The following CACNA2D2 variants were observed in gnomAD, a reference collection of about 807,000 sequenced individuals.
CACNA2D2 encodes calcium voltage-gated channel auxiliary subunit alpha2delta 2, also known as voltage-dependent calcium channel subunit alpha-2/delta-2.
A neutral mutation model predicts 166.4 loss-of-function variants in CACNA2D2; 48 were observed. The observed-to-expected ratio is 0.29, with a 90% CI of 0.23 to 0.37. The LOEUF is 0.37. Among genes scored for constraint, CACNA2D2 ranks in the 10% least tolerant of loss-of-function variants. The pLI is 1.00. For missense variants in CACNA2D2, 1,122 were observed against 1,433.0 expected (o/e 0.78, Z 3.50); for synonymous variants, 561 against 573.7 (o/e 0.98, Z 0.32).
intron 5 of CACNA2D2, among the ~76,000 whole-genome samples, chr3:50,386,483 A>G (rs1417102370): frequency 1.3e-5 from 2 of 152,222 alleles, no homozygotes; most frequent in African/African-American, 2.4e-5. Context: ...CTTCATTTGA[A>G]TTTCAGATTC....
chr3:50,449,358 C>T (rs1334825746), intron 2 of CACNA2D2, among the ~76,000 whole-genome samples: 3 of 152,190 alleles, frequency 2.0e-5, no homozygotes, highest in African/African-American at 4.8e-5. Context: ...AGCTAATGGG[C>T]TGACAAATTA....
At chr3:50,496,262 C>T (rs768041405) in intron 1 of CACNA2D2, among the ~76,000 whole-genome samples, 5 of 152,230 alleles carry the variant, frequency 3.3e-5, no homozygotes, top group South Asian at 2.1e-4. Context: ...CATACACGCA[C>T]ACACCTACTG....
rs1237143723 is a variant in CACNA2D2, at chr3:50,362,831, C to T, written c.*1835G>A. 3.5e-6 allele frequency: 1 copy of T among 287,424 alleles called. No individual in the cohort carries two copies. The allele number at this position is 287,424 out of a possible 1,614,324, so 17.8% of individuals were successfully genotyped here. On this transcript the variant is annotated 3_prime_UTR_variant, in exon 38 of 38. Coordinates refer to ENST00000424201, the MANE Select transcript of CACNA2D2 (RefSeq NM_006030.4). ...TGAAAATATGAACATTATTTAATAACTGATCTTCTGTAATAAACCATTTGA... is the reference window on the plus strand; with the variant it reads ...TGAAAATATGAACATTATTTAATAATTGATCTTCTGTAATAAACCATTTGA...
intron 1 of CACNA2D2, among the ~76,000 whole-genome samples, chr3:50,502,100 C>G (rs1303984045): frequency 6.6e-6 from 1 of 152,120 alleles, no homozygotes; most frequent in Non-Finnish European, 1.5e-5. Flanking sequence ...TGTGGCAGAA[C>G]CAGGGGCTCT....
chr3:50,492,517 G>A (rs1560004085), intron 1 of CACNA2D2, among the ~76,000 whole-genome samples: 1 of 152,204 alleles, frequency 6.6e-6, no homozygotes, highest in Non-Finnish European at 1.5e-5. Context: ...TCCCTCTCCA[G>A]GCCTCGGTTT....
chr3:50,379,741 T>TGAA lies in CACNA2D2; in HGVS notation c.976_977insTTC (p.Tyr326delinsPheHis), dbSNP rs1705203713. 1 of 1,613,768 alleles carries TGAA rather than the reference T, an allele frequency of 6.2e-7. No individual in the cohort carries two copies. Among genetic ancestry groups the TGAA allele is most frequent in the Non-Finnish European group, 8.5e-7 (1 of 1,180,016 alleles). On this transcript the variant is annotated protein_altering_variant, in exon 10 of 38. Transcript: ENST00000424201. The surrounding 1 kb of genome is among the most constrained non-coding windows in gnomAD (Gnocchi z 6.5). ...GGCACTCACCGAGGCCACATTCACA[T>TGAA]AGTCATCATCAGACAGCGTGTCCAG...
intron 3 of CACNA2D2, among the ~76,000 whole-genome samples, chr3:50,403,163 G>C (rs900059481): frequency 6.6e-6 from 1 of 152,188 alleles, no homozygotes; most frequent in African/African-American, 2.4e-5. Flanking sequence ...ATAACAGGGA[G>C]GGACCAAAAC....
At chr3:50,501,006 C>A (rs1698940783) in intron 1 of CACNA2D2, among the ~76,000 whole-genome samples, 1 of 152,142 alleles carries the variant, frequency 6.6e-6, no homozygotes, top group Non-Finnish European at 1.5e-5. Flanking sequence ...CAGGGGCCTT[C>A]CCCACTGAGG....
Position 50,366,434 on chromosome 3 carries a change from T to C in CACNA2D2, c.2638-96A>G. 6.9e-7 allele frequency: 1 copy of C among 1,456,234 alleles called. No homozygotes were observed. Among genetic ancestry groups the C allele is most frequent in the Non-Finnish European group, 9.6e-7 (1 of 1,037,280 alleles). 90.2% of individuals were successfully genotyped at this position (1,456,234 alleles called of 1,614,324 possible). A position where few individuals can be genotyped will look rare whatever the true frequency, so the allele number is the denominator to read the frequency against. ...GTGGTTCAGAGTTGGGGGGCATCACTCCCCCAGTCCTGGGAAGGCTGTGAA... is the reference window on the plus strand; with the variant it reads ...GTGGTTCAGAGTTGGGGGGCATCACCCCCCCAGTCCTGGGAAGGCTGTGAA... On this transcript the variant is annotated intron_variant, in intron 30 of 37. Transcript: ENST00000424201. The surrounding 1 kb of genome is among the most constrained non-coding windows in gnomAD (Gnocchi z 5.9).
At chr3:50,477,798 G>C (rs1697859588) in intron 1 of CACNA2D2, among the ~76,000 whole-genome samples, 2 of 152,152 alleles carry the variant, frequency 1.3e-5, no homozygotes, top group Admixed American at 6.5e-5. Context: ...ACAGGAGATT[G>C]CATCTGGTCC....
chr3:50,379,829 AG>A lies in CACNA2D2; in HGVS notation c.894-6del. 1.2e-6 allele frequency: 2 copies of A among 1,613,862 alleles called. No individual in the cohort carries two copies. Among genetic ancestry groups the A allele is most frequent in the South Asian group, 1.1e-5 (1 of 91,076 alleles). On this transcript the variant is annotated splice_polypyrimidine_tract_variant and splice_region_variant and intron_variant, in intron 9 of 37. Transcript: ENST00000424201. The surrounding 1 kb of genome is among the most constrained non-coding windows in gnomAD (Gnocchi z 6.5). ...AGGCCGCTCACACTGCCACTCCTGG[AG>A]AGGTCAGGCAGGGGACGTGGAGGAG...
At chr3:50,481,864 C>T (rs769276984) in intron 1 of CACNA2D2, among the ~76,000 whole-genome samples, 6 of 152,082 alleles carry the variant, frequency 3.9e-5, no homozygotes, top group Non-Finnish European at 7.4e-5. Flanking sequence ...GGTGTGGTAT[C>T]GTACACCTGT....
At chr3:50,395,213 T>A (rs992941895) in intron 3 of CACNA2D2, among the ~76,000 whole-genome samples, 2 of 152,200 alleles carry the variant, frequency 1.3e-5, no homozygotes, top group East Asian at 1.9e-4. Context: ...CAGTGACTCA[T>A]GTGCTGTGCA....
At chr3:50,373,564 GGTGAGGAGGGA>G (rs1704776223) in intron 22 of CACNA2D2, among the ~76,000 whole-genome samples, 1 of 116,362 alleles carries the variant, frequency 8.6e-6, no homozygotes. Flanking sequence ...GAAGAAAGAA[GGTGAGGAGGGA>G]GCCAGGGGGC....
intron 2 of CACNA2D2, among the ~76,000 whole-genome samples, chr3:50,457,942 C>T (rs759357664): frequency 6.6e-6 from 1 of 152,152 alleles, no homozygotes; most frequent in Non-Finnish European, 1.5e-5. Flanking sequence ...AGAGACCTGC[C>T]CTGACTCACT....
rs560308124 is a variant in CACNA2D2, at chr3:50,460,677, A to G, written c.288+15441T>C. Among the ~76,000 whole-genome samples the G allele has an allele frequency of 1.3e-4, 20 of 151,982 alleles. No homozygotes were observed. In the South Asian group the frequency reaches 4.2e-3, roughly 32 times the overall value. On this transcript the variant is annotated intron_variant, in intron 2 of 37. Coordinates refer to ENST00000424201, the MANE Select transcript of CACNA2D2 (RefSeq NM_006030.4). ...AGACCATCCTGGCTAACATGGTGAA[A>G]CCCCGTCTCTACTAAAAATATAAAA...
At position 50,476,234 on chromosome 3, in the gene CACNA2D2, G is replaced by A. The variant is rs748788249; in HGVS notation, c.207-35C>T. On this transcript the variant is annotated intron_variant, in intron 1 of 37. Coordinates refer to ENST00000424201, the MANE Select transcript of CACNA2D2 (RefSeq NM_006030.4). ...GAGAGAGGAGAGAGGTGTCAGGAGG[G>A]CCTGCCCAGAGCTGCACAGCCCCAC... The A allele has an allele frequency of 2.6e-6, 4 of 1,532,474 alleles. No individual in the cohort carries two copies. In the African/African-American group the frequency reaches 4.1e-5, roughly 16 times the overall value. The allele number at this position is 1,532,474 out of a possible 1,614,324, so 94.9% of individuals were successfully genotyped here.
intron 2 of CACNA2D2, among the ~76,000 whole-genome samples, chr3:50,457,706 T>C (rs1709421000): frequency 6.6e-6 from 1 of 152,148 alleles, no homozygotes; most frequent in Non-Finnish European, 1.5e-5. Context: ...CTTGCAGCAA[T>C]GATGCTGAGC....
In CACNA2D2 at chr3:50,367,780, C is replaced by T. The variant is rs766877068; in HGVS notation, c.2234+32G>A. 9.3e-6 allele frequency: 15 copies of T among 1,612,386 alleles called. No homozygotes were observed. In the Admixed American group the frequency reaches 1.5e-4, roughly 16 times the overall value. On this transcript the variant is annotated intron_variant, in intron 25 of 37. Coordinates refer to ENST00000424201, the MANE Select transcript of CACNA2D2 (RefSeq NM_006030.4). This position sits in a 1 kb window ranked among gnomAD's most constrained non-coding sequence, Gnocchi z 6.5. Reference sequence around the variant, plus strand: ...TCCAGGGCCTCTGGGCCCATCCTAGCCTTCTGCCCCCACAGGCTGGGTGAT... The same window carrying T: ...TCCAGGGCCTCTGGGCCCATCCTAGTCTTCTGCCCCCACAGGCTGGGTGAT...
Sources: allele counts gnomAD v4.1 joint callset (sites outside exome capture counted in the v4.1 genomes callset), GRCh38; gene constraint gnomAD v4.1.1; non-coding constraint Gnocchi (gnomAD v3.1); transcripts MANE v1.5; gene names NCBI Gene and HGNC (gene_info 2026-07-23, HGNC 2026-07-21).